The following CHSY3 variants were observed in gnomAD, a reference collection of about 807,000 sequenced individuals.
The protein encoded by CHSY3 is chondroitin sulfate synthase 3, also known as N-acetylgalactosaminyl-proteoglycan 3-beta-glucuronosyltransferase 3.
A neutral mutation model predicts 67.2 loss-of-function variants in CHSY3; 35 were observed. That is an observed-to-expected ratio of 0.52 (90% CI 0.40 to 0.69). The LOEUF is 0.69. CHSY3 is among the 30% of genes least tolerant of loss of function. The probability of loss-of-function intolerance (pLI) is 0.00; values close to 1 mark genes in which losing one functional copy is unlikely to be tolerated. For missense variants in CHSY3, 1,069 were observed against 1,138.5 expected (o/e 0.94, Z 0.88); for synonymous variants, 474 against 434.7 (o/e 1.09, Z -1.12).
At chr5:130,125,307 C>T (rs1420170567) in intron 2 of CHSY3, among the ~76,000 whole-genome samples, 2 of 151,968 alleles carry the variant, frequency 1.3e-5, no homozygotes, top group Non-Finnish European at 2.9e-5. Flanking sequence ...GTCCCAGCCA[C>T]TCAGGAGACT....
chr5:130,000,885 C>CTTTT (rs545172978), intron 2 of CHSY3, among the ~76,000 whole-genome samples: 1 of 124,664 alleles, frequency 8.0e-6, no homozygotes, highest in African/African-American at 3.1e-5. Context: ...AGCCTGTCTT[C>CTTTT]TTTTTTTTTT....
At chr5:129,938,413 C>T (rs115854291) in intron 2 of CHSY3, among the ~76,000 whole-genome samples, 1,711 of 152,332 alleles carry the variant, frequency 0.011, 39 homozygotes, top group African/African-American at 0.038. Flanking sequence ...GAATTTCTCC[C>T]CAGAAAATGA....
intron 2 of CHSY3, among the ~76,000 whole-genome samples, chr5:129,976,030 A>G (rs1471901457): frequency 6.6e-6 from 1 of 152,060 alleles, no homozygotes; most frequent in Non-Finnish European, 1.5e-5. Context: ...CTGTGTGAAA[A>G]ATAAATAAAA....
chr5:130,017,049 C>A (rs1764237725), intron 2 of CHSY3, among the ~76,000 whole-genome samples: 1 of 152,032 alleles, frequency 6.6e-6, no homozygotes, highest in Non-Finnish European at 1.5e-5. Context: ...AGATAAGGAC[C>A]AGGAAGAATG....
At chr5:130,015,947 C>G (rs1313791145) in intron 2 of CHSY3, among the ~76,000 whole-genome samples, 1 of 152,206 alleles carries the variant, frequency 6.6e-6, no homozygotes, top group Non-Finnish European at 1.5e-5. Flanking sequence ...ATGGATGCAG[C>G]TGGCGGCCAT....
At chr5:130,104,345 C>T (rs1293172724) in intron 2 of CHSY3, among the ~76,000 whole-genome samples, 1 of 151,860 alleles carries the variant, frequency 6.6e-6, no homozygotes, top group East Asian at 1.9e-4. Context: ...AGTTACTTTA[C>T]ACGTGGTTTC....
chr5:130,078,898 T>G (rs1021035526), intron 2 of CHSY3, among the ~76,000 whole-genome samples: 7 of 152,160 alleles, frequency 4.6e-5, no homozygotes, highest in Non-Finnish European at 8.8e-5. Flanking sequence ...TTGCTACATG[T>G]CTATTATACT....
chr5:130,174,812 C>T (rs1328345541), intron 2 of CHSY3, among the ~76,000 whole-genome samples: 3 of 152,054 alleles, frequency 2.0e-5, no homozygotes, highest in African/African-American at 7.2e-5. Context: ...AACTGAGGCA[C>T]AAAAAGTTAA....
At chr5:129,988,171 A>G (rs942199622) in intron 2 of CHSY3, among the ~76,000 whole-genome samples, 2 of 152,206 alleles carry the variant, frequency 1.3e-5, no homozygotes, top group Admixed American at 6.5e-5. Context: ...TACTCTCTTT[A>G]CAATGACATA....
chr5:130,176,475 C>G lies in CHSY3; in HGVS notation c.1087-7754C>G, dbSNP rs145723516. 5.0e-3 allele frequency among the ~76,000 whole-genome samples: 768 copies of G among 152,250 alleles called. 8 individuals carry two copies. Among genetic ancestry groups the G allele is most frequent in the Middle Eastern group, 0.02 (6 of 294 alleles). Reference sequence around the variant, plus strand: ...CTCAAGGTTCTAGAACCATTTGACCCAGCAATCCCATTACTGGGTATATAC... The same window carrying G: ...CTCAAGGTTCTAGAACCATTTGACCGAGCAATCCCATTACTGGGTATATAC... On this transcript the variant is annotated intron_variant, in intron 2 of 2. Transcript: ENST00000305031.
intron 2 of CHSY3, among the ~76,000 whole-genome samples, chr5:130,097,983 G>A (rs1427256150): frequency 6.6e-6 from 1 of 152,000 alleles, no homozygotes; most frequent in African/African-American, 2.4e-5. Flanking sequence ...CAGCCTGGGC[G>A]ACAGAGCCAG....
intron 2 of CHSY3, among the ~76,000 whole-genome samples, chr5:130,144,120 A>G (rs1462702166): frequency 6.6e-6 from 1 of 151,344 alleles, no homozygotes; most frequent in Non-Finnish European, 1.5e-5. Flanking sequence ...TTCTATAAAT[A>G]TATCTTTCCA....
intron 2 of CHSY3, among the ~76,000 whole-genome samples, chr5:130,040,967 AT>A (rs1764991115): frequency 6.6e-6 from 1 of 152,076 alleles, no homozygotes; most frequent in Admixed American, 6.6e-5. Flanking sequence ...ACAGAGGCAA[AT>A]TAGTATTGAT....
intron 2 of CHSY3, among the ~76,000 whole-genome samples, chr5:129,921,748 A>G (rs1363355627): frequency 6.6e-6 from 1 of 152,128 alleles, no homozygotes; most frequent in African/African-American, 2.4e-5. Context: ...TATACAGTGC[A>G]TGTGATTTTT....
At chr5:130,141,146 C>T in intron 2 of CHSY3, 2 of 390,576 alleles carry the variant, frequency 5.1e-6, no homozygotes, top group South Asian at 2.2e-5. Context: ...TACAGCTGTC[C>T]AGGCAGCCAT....
At chr5:129,918,234 A>G (rs1760797131) in intron 2 of CHSY3, among the ~76,000 whole-genome samples, 2 of 152,130 alleles carry the variant, frequency 1.3e-5, no homozygotes, top group African/African-American at 4.8e-5. Flanking sequence ...TCTCATAAAG[A>G]TATGTTTTCA....
chr5:130,140,868 T>G, intron 2 of CHSY3: 1 of 322,610 alleles, frequency 3.1e-6, no homozygotes, highest in Non-Finnish European at 4.7e-6. Flanking sequence ...CAGGCCAGTA[T>G]TGAGATCTAT....
chr5:129,921,405 A>C (rs1760920648), intron 2 of CHSY3, among the ~76,000 whole-genome samples: 2 of 152,210 alleles, frequency 1.3e-5, no homozygotes, highest in African/African-American at 4.8e-5. Context: ...AGATAAAGAG[A>C]CGACTCATGT....
intron 2 of CHSY3, among the ~76,000 whole-genome samples, chr5:129,919,225 T>C (rs970028881): frequency 6.6e-6 from 1 of 151,982 alleles, no homozygotes; most frequent in Admixed American, 6.6e-5. Flanking sequence ...TTTCATCAAT[T>C]AATAAAGAAA....
Sources: allele counts gnomAD v4.1 joint callset (sites outside exome capture counted in the v4.1 genomes callset), GRCh38; gene constraint gnomAD v4.1.1; transcripts MANE v1.5; gene names NCBI Gene and HGNC (gene_info 2026-07-23, HGNC 2026-07-21).